Variants in BNC2 observed in about 807,000 individuals in gnomAD.
BNC2 encodes basonuclin zinc finger protein 2, also known as zinc finger protein basonuclin-2.
BNC2 carries 20 observed loss-of-function variants against 76.3 expected under a neutral mutation model. The ratio of observed to expected loss-of-function variants is 0.26; its 90% CI spans 0.18 to 0.38. The LOEUF is 0.38. BNC2 is among the 10% of genes least tolerant of loss of function. BNC2 has a pLI of 1.00. For missense variants in BNC2, 1,382 were observed against 1,399.8 expected (o/e 0.99, Z 0.20); for synonymous variants, 582 against 514.8 (o/e 1.13, Z -1.77).
intron 3 of BNC2, among the ~76,000 whole-genome samples, chr9:16,697,593 T>C (rs1179048830): frequency 1.1e-5 from 1 of 89,894 alleles, no homozygotes; most frequent in Non-Finnish European, 3.7e-5. Context: ...TGGTGGCACA[T>C]GCCTGTAATC....
chr9:16,607,473 C>T (rs966193718), intron 3 of BNC2, among the ~76,000 whole-genome samples: 8 of 152,104 alleles, frequency 5.3e-5, no homozygotes, highest in Admixed American at 2.0e-4. Context: ...AAACTAAACA[C>T]GTCTAAAGGA....
intron 1 of BNC2, among the ~76,000 whole-genome samples, chr9:16,757,366 C>T (rs2135345830): frequency 6.6e-6 from 1 of 152,188 alleles, no homozygotes; most frequent in East Asian, 1.9e-4. Context: ...CAGAACTCCC[C>T]ATCACCACTA....
intron 1 of BNC2, among the ~76,000 whole-genome samples, chr9:16,831,692 T>C (rs1254352083): frequency 6.6e-6 from 1 of 152,138 alleles, no homozygotes; most frequent in Non-Finnish European, 1.5e-5. Flanking sequence ...ATGAACAGAT[T>C]TGGTGGTTGA....
intron 5 of BNC2, among the ~76,000 whole-genome samples, chr9:16,443,904 C>G (rs1821179309): frequency 6.6e-6 from 1 of 152,162 alleles, no homozygotes; most frequent in Non-Finnish European, 1.5e-5. Flanking sequence ...CATGATTGTG[C>G]TGAGGTTTTT....
At chr9:16,665,127 G>C in intron 3 of BNC2, 1 of 453,904 alleles carries the variant, frequency 2.2e-6, no homozygotes, top group South Asian at 1.6e-5. Context: ...CCAGCACTTT[G>C]GAAGTCCAAG....
chr9:16,698,216 G>C (rs1457728790), intron 3 of BNC2, among the ~76,000 whole-genome samples: 1 of 152,018 alleles, frequency 6.6e-6, no homozygotes, highest in African/African-American at 2.4e-5. Flanking sequence ...CTTAAGCTGT[G>C]CAAAATTATG....
At chr9:16,780,249 AAAAAAAAC>A (rs1166154542) in intron 1 of BNC2, among the ~76,000 whole-genome samples, 6 of 132,028 alleles carry the variant, frequency 4.5e-5, no homozygotes, top group South Asian at 4.8e-4. Flanking sequence ...AAAAAAAAAA[AAAAAAAAC>A]AAAAAAAAAC....
intron 4 of BNC2, among the ~76,000 whole-genome samples, chr9:16,562,333 C>T (rs1819038758): frequency 6.6e-6 from 1 of 152,134 alleles, no homozygotes; most frequent in African/African-American, 2.4e-5. Context: ...CCCTAGGAGG[C>T]GTCTTCACCT....
intron 3 of BNC2, among the ~76,000 whole-genome samples, chr9:16,622,761 T>C (rs1211130185): frequency 1.3e-5 from 2 of 152,144 alleles, no homozygotes; most frequent in Admixed American, 1.3e-4. Context: ...TAGAAGCCTG[T>C]TGCTCCCACA....
intron 1 of BNC2, among the ~76,000 whole-genome samples, chr9:16,845,828 T>C (rs1818966944): frequency 6.6e-6 from 1 of 151,722 alleles, no homozygotes; most frequent in Non-Finnish European, 1.5e-5. Flanking sequence ...AGTTACCATA[T>C]GACAGAAACA....
chr9:16,547,106 T>A (rs1342300251), intron 5 of BNC2, among the ~76,000 whole-genome samples: 1 of 152,226 alleles, frequency 6.6e-6, no homozygotes, highest in East Asian at 1.9e-4. Flanking sequence ...GTTAATTCAT[T>A]GGCAACATCT....
chr9:16,584,620 A>G (rs538238053), intron 3 of BNC2, among the ~76,000 whole-genome samples: 10 of 152,268 alleles, frequency 6.6e-5, no homozygotes, highest in Non-Finnish European at 1.3e-4. Flanking sequence ...ACATGGTCCA[A>G]TTGTAGCTAG....
intron 1 of BNC2, among the ~76,000 whole-genome samples, chr9:16,756,884 G>A (rs996927487): frequency 1.3e-5 from 2 of 151,716 alleles, no homozygotes; most frequent in Non-Finnish European, 2.9e-5. Context: ...CCAGCTACTC[G>A]GGAGGCTGAG....
chr9:16,788,423 G>A (rs140990005), intron 1 of BNC2, among the ~76,000 whole-genome samples: 6,239 of 151,980 alleles, frequency 0.041, 203 homozygotes, highest in South Asian at 0.12. Flanking sequence ...CGTGGTGGTA[G>A]GCTCCTGTAA....
intron 4 of BNC2, among the ~76,000 whole-genome samples, chr9:16,570,013 T>C (rs906965240): frequency 6.6e-5 from 10 of 152,184 alleles, no homozygotes; most frequent in East Asian, 3.8e-4. Flanking sequence ...GAATTAACTA[T>C]GTACATCCTT....
intron 1 of BNC2, among the ~76,000 whole-genome samples, chr9:16,791,760 G>C (rs892134543): frequency 2.6e-5 from 4 of 152,164 alleles, no homozygotes; most frequent in African/African-American, 7.2e-5. Context: ...CCTCTTCACA[G>C]GGTGGCGTGA....
chr9:16,673,131 C>A (rs184154440), intron 3 of BNC2, among the ~76,000 whole-genome samples: 32 of 152,020 alleles, frequency 2.1e-4, no homozygotes. Context: ...ATGAATGATG[C>A]TTGCATGTAT....
At chr9:16,450,496 C>A (rs967548459) in intron 5 of BNC2, among the ~76,000 whole-genome samples, 1 of 152,140 alleles carries the variant, frequency 6.6e-6, no homozygotes, top group African/African-American at 2.4e-5. Context: ...TATATGACAC[C>A]AAGGTGGCTG....
intron 2 of BNC2, among the ~76,000 whole-genome samples, chr9:16,736,901 G>A (rs1023940984): frequency 5.3e-5 from 8 of 151,976 alleles, no homozygotes; most frequent in African/African-American, 1.9e-4. Flanking sequence ...CCGCCTCCCA[G>A]ATTCAAGCAA....
Sources: gnomAD v4.1 joint callset for allele counts (sites outside exome capture counted in the v4.1 genomes callset) on GRCh38, gnomAD v4.1.1 for gene constraint, MANE v1.5 for transcripts, NCBI Gene and HGNC (gene_info 2026-07-23, HGNC 2026-07-21) for gene names.